Variants in RPGRIP1L observed in about 807,000 individuals in gnomAD.
RPGRIP1L encodes the protein RPGRIP1 like.
Under a neutral mutation model 160.4 loss-of-function variants are expected in RPGRIP1L, and 131 were observed. The ratio of observed to expected loss-of-function variants is 0.82; its 90% confidence interval spans 0.71 to 0.94. RPGRIP1L has a LOEUF of 0.94. RPGRIP1L is among the 40% of genes least tolerant of loss of function. The probability of loss-of-function intolerance (pLI) is 0.00; values close to 1 mark genes in which losing one functional copy is unlikely to be tolerated. For synonymous variants in RPGRIP1L, 510 were observed against 515.8 expected (o/e 0.99, Z 0.15); for missense variants, 1,522 against 1,535.8 (o/e 0.99, Z 0.15).
intron 2 of RPGRIP1L, among the ~76,000 whole-genome samples, chr16:53,700,374 T>C (rs765767097): frequency 2.0e-5 from 3 of 152,250 alleles, no homozygotes; most frequent in Non-Finnish European, 4.4e-5. Flanking sequence ...TAGTTTCTAC[T>C]GATGTGAGGA....
In RPGRIP1L at chr16:53,645,660, G is replaced by A; in HGVS notation, c.2648C>T (p.Pro883Leu). Residue 883 changes from proline to leucine, a missense_variant, in exon 17 of 27, where the codon CCT (proline) becomes CTT (leucine). Physicochemically the swap from Pro to Leu is moderately conservative, Grantham distance 98. Coordinates refer to ENST00000647211, the MANE Select transcript of RPGRIP1L (RefSeq NM_015272.5). ...CCTGTCATGTGCCAACGAAATCAGAGGCACATTGACTTTTCCTATGTAAAT... is the reference window on the plus strand; with the variant it reads ...CCTGTCATGTGCCAACGAAATCAGAAGCACATTGACTTTTCCTATGTAAAT... Reference protein sequence around the residue: ...ENIYIGKVNVPLISLAHDRCI... With the variant: ...ENIYIGKVNVLLISLAHDRCI... 1.2e-6 allele frequency: 2 copies of A among 1,613,862 alleles called. No homozygotes were observed. The highest frequency in any genetic ancestry group is 1.7e-6 in the Non-Finnish European group (2 of 1,179,966).
chr16:53,682,097 A>ATTTTAAGCTATTTCCTCAATTTC (rs1969654494), intron 6 of RPGRIP1L, among the ~76,000 whole-genome samples: 4 of 152,318 alleles, frequency 2.6e-5, no homozygotes, highest in African/African-American at 9.6e-5. Flanking sequence ...GAACATCCTT[A>ATTTTAAGCTATTTCCTCAATTTC]TTTTAAGCTA....
chr16:53,683,905 G>A (rs961082652), intron 6 of RPGRIP1L, among the ~76,000 whole-genome samples: 39 of 152,198 alleles, frequency 2.6e-4, no homozygotes, highest in African/African-American at 9.4e-4. Flanking sequence ...TATTTAATAA[G>A]TGGTGCTGGA....
At chr16:53,611,837 T>A (rs1233823958) in intron 24 of RPGRIP1L, among the ~76,000 whole-genome samples, 1 of 152,246 alleles carries the variant, frequency 6.6e-6, no homozygotes, top group Non-Finnish European at 1.5e-5. Flanking sequence ...CAGCCATGCA[T>A]CAGCTTCTGA....
In RPGRIP1L at chr16:53,601,166, T is replaced by C. The variant is rs1963361534; in HGVS notation, c.*910A>G. 6.6e-6 allele frequency: 1 copy of C among 152,648 alleles called. No individual in the cohort carries two copies. Among genetic ancestry groups the C allele is most frequent in the African/African-American group, 2.4e-5 (1 of 41,458 alleles). 9.5% of individuals were successfully genotyped at this position (152,648 alleles called of 1,614,324 possible). ...TCAGAGCTGCTTTTCGAGGATCTGG[T>C]TACCCAGATACACCCTGGCACTGTA... On this transcript the variant is annotated 3_prime_UTR_variant, in exon 27 of 27. Transcript: ENST00000647211.
intron 7 of RPGRIP1L, among the ~76,000 whole-genome samples, chr16:53,673,782 C>A (rs1334317011): frequency 1.3e-5 from 2 of 151,984 alleles, no homozygotes; most frequent in Admixed American, 1.3e-4. Context: ...AGAACAGTAT[C>A]TTCAGCCACC....
rs766297944 is a variant in RPGRIP1L at position 53,611,061 on chromosome 16, A to G, written c.3617-10T>C. On this transcript the variant is annotated splice_polypyrimidine_tract_variant and intron_variant, in intron 24 of 26. Transcript: ENST00000647211. Reference sequence around the variant, plus strand: ...TTATCCACGTAGATCACTATACCAAAAGAAAAAAAAATGCCAAAAAGGAAG... The same window carrying G: ...TTATCCACGTAGATCACTATACCAAGAGAAAAAAAAATGCCAAAAAGGAAG... 7.5e-6 allele frequency: 12 copies of G among 1,597,804 alleles called. No individual in the cohort carries two copies. Among genetic ancestry groups the G allele is most frequent in the Admixed American group, 1.7e-5 (1 of 59,984 alleles).
In RPGRIP1L at chr16:53,641,422, T is replaced by C. The variant is rs1258275030; in HGVS notation, c.2737A>G (p.Ile913Val). 1 of 1,614,080 alleles carries C rather than the reference T, an allele frequency of 6.2e-7. No homozygotes were observed. The highest frequency in any genetic ancestry group is 1.1e-5 in the South Asian group (1 of 91,084). Reference sequence around the variant, plus strand: ...AGGTAAGCAAATTTCCATTTCAATATAACATGGATGGTGCCAGCAGGATGC... The same window carrying C: ...AGGTAAGCAAATTTCCATTTCAATACAACATGGATGGTGCCAGCAGGATGC... The part of the protein sequence containing the change: ...QKHPAGTIHV[I>V]LKWKFAYLPP... The change falls in exon 18 of 27, where the codon ATA becomes GTA. Residue 913 changes from isoleucine to valine, a missense_variant. Ile to Val is a conservative substitution (Grantham distance 29). Coordinates refer to ENST00000647211, the MANE Select transcript of RPGRIP1L (RefSeq NM_015272.5).
At chr16:53,621,087 A>T (rs1964679424) in intron 23 of RPGRIP1L, among the ~76,000 whole-genome samples, 1 of 152,214 alleles carries the variant, frequency 6.6e-6, no homozygotes, top group South Asian at 2.1e-4. Context: ...AAAATTGTTT[A>T]TCACAGAACC....
intron 9 of RPGRIP1L, among the ~76,000 whole-genome samples, chr16:53,666,606 ATGTATG>A (rs1421881852): frequency 1.6e-5 from 2 of 123,898 alleles, no homozygotes; most frequent in African/African-American, 5.3e-5. Context: ...ATATATATAT[ATGTATG>A]TATGTATGTA....
chr16:53,634,698 A>T (rs1329961409), intron 22 of RPGRIP1L, among the ~76,000 whole-genome samples: 1 of 152,122 alleles, frequency 6.6e-6, no homozygotes, highest in Non-Finnish European at 1.5e-5. Context: ...CACATGCTCT[A>T]GCTCCCCTTA....
At position 53,619,091 on chromosome 16, in the gene RPGRIP1L, C is replaced by T; in HGVS notation, c.3550G>A (p.Glu1184Lys). 3.7e-6 allele frequency: 6 copies of T among 1,614,096 alleles called. No homozygotes were observed. Among genetic ancestry groups the T allele is most frequent in the Non-Finnish European group, 5.1e-6 (6 of 1,180,014 alleles). Residue 1184 changes from glutamate (E) to lysine (K), a missense_variant, in exon 24 of 27, where the codon GAA (glutamate) becomes AAA (lysine). By Grantham distance (56) the Glu-to-Lys change is moderately conservative. Transcript: ENST00000647211. ...VECRFYSLPA[E>K]ETPVSLPKPK... The stretch of plus-strand genomic sequence containing the variant: ...TTTGGAAGTGACACGGGTGTCTCTT[C>T]AGCAGGAAGACTGTAGAATCGACAC...
At chr16:53,619,273 T>C in intron 23 of RPGRIP1L, 65 bp from the exon 24 acceptor site, 1 of 1,447,600 alleles carries the variant, frequency 6.9e-7, no homozygotes, top group South Asian at 1.1e-5. Flanking sequence ...AGATCCACTA[T>C]TACTTTCCAC....
chr16:53,604,094 G>C (rs906763001), intron 26 of RPGRIP1L, among the ~76,000 whole-genome samples: 2 of 152,148 alleles, frequency 1.3e-5, no homozygotes, highest in African/African-American at 2.4e-5. Context: ...TCTTTAAAAG[G>C]GTTCAGGTTA....
intron 22 of RPGRIP1L, among the ~76,000 whole-genome samples, chr16:53,622,799 CCACACA>C (rs201959082): frequency 0.047 from 6,351 of 135,660 alleles, 136 homozygotes; most frequent in Middle Eastern, 0.07. Context: ...AAAACAAAAA[CCACACA>C]CACACACACA....
At chr16:53,648,626 G>GCGCGCACACACACACA (rs1555602385) in intron 16 of RPGRIP1L, among the ~76,000 whole-genome samples, 13 of 143,988 alleles carry the variant, frequency 9.0e-5, no homozygotes, top group Non-Finnish European at 1.8e-4. Context: ...GCGCGCGCGC[G>GCGCGCACACACACACA]CACACACACA....
At chr16:53,660,289 T>G (rs1359065020) in intron 10 of RPGRIP1L, among the ~76,000 whole-genome samples, 1 of 152,184 alleles carries the variant, frequency 6.6e-6, no homozygotes, top group Non-Finnish European at 1.5e-5. Flanking sequence ...CTCAACCATT[T>G]ATGTTTATCA....
chr16:53,678,243 T>C (rs1027962311), intron 6 of RPGRIP1L, among the ~76,000 whole-genome samples: 1 of 151,996 alleles, frequency 6.6e-6, no homozygotes, highest in African/African-American at 2.4e-5. Flanking sequence ...TGAAATAAAT[T>C]AGATTTCATG....
At chr16:53,622,451 C>A in intron 22 of RPGRIP1L, 95 bp from the exon 23 acceptor site, 1 of 539,180 alleles carries the variant, frequency 1.9e-6, no homozygotes, top group South Asian at 2.6e-5. Context: ...TGAACTCATT[C>A]CCTCTCCTCT....
Sources: allele counts gnomAD v4.1 joint callset (sites outside exome capture counted in the v4.1 genomes callset), GRCh38; gene constraint gnomAD v4.1.1; transcripts MANE v1.5; gene names NCBI Gene and HGNC (gene_info 2026-07-23, HGNC 2026-07-21).